The following HPSE2 variants were observed in gnomAD, a reference collection of about 807,000 sequenced individuals.
HPSE2 encodes heparanase 2 (inactive), also known as inactive heparanase-2.
Under a neutral mutation model 60.5 loss-of-function variants are expected in HPSE2, and 38 were observed. The observed-to-expected ratio is 0.63, with a 90% confidence interval of 0.48 to 0.82. HPSE2 has a LOEUF of 0.82. Ranked by LOEUF, HPSE2 falls within the 40% of genes least tolerant of loss-of-function variation. The pLI is 0.00. For missense variants in HPSE2, 713 were observed against 740.4 expected (o/e 0.96, Z 0.43); for synonymous variants, 295 against 293.2 (o/e 1.01, Z -0.06).
intron 3 of HPSE2, among the ~76,000 whole-genome samples, chr10:99,045,713 A>G (rs1418554429): frequency 2.6e-5 from 4 of 152,146 alleles, no homozygotes; most frequent in African/African-American, 7.2e-5. Context: ...ACAACTCTAT[A>G]CACACAAATT....
chr10:98,566,216 C>A (rs1377318592), intron 9 of HPSE2, among the ~76,000 whole-genome samples: 2 of 152,140 alleles, frequency 1.3e-5, no homozygotes, highest in Non-Finnish European at 1.5e-5. Context: ...AAAATTGAGG[C>A]TCAGGAAGGA....
chr10:98,765,717 C>A (rs946913717), intron 3 of HPSE2, among the ~76,000 whole-genome samples: 4 of 151,996 alleles, frequency 2.6e-5, no homozygotes, highest in Non-Finnish European at 5.9e-5. Flanking sequence ...GTGGCACGTG[C>A]CTGTAATCCC....
chr10:98,508,667 AG>A (rs1942282956), intron 9 of HPSE2, among the ~76,000 whole-genome samples: 1 of 152,218 alleles, frequency 6.6e-6, no homozygotes, highest in African/African-American at 2.4e-5. Flanking sequence ...TCTGAGGGCC[AG>A]GGAAGAAGTC....
chr10:98,832,770 G>GTATAT (rs1951712101), intron 3 of HPSE2, among the ~76,000 whole-genome samples: 1 of 152,174 alleles, frequency 6.6e-6, no homozygotes, highest in African/African-American at 2.4e-5. Context: ...TAAGAAATGT[G>GTATAT]TATATTAGGT....
chr10:99,242,145 C>G, the HPSE2 span, among the ~76,000 whole-genome samples: 1 of 152,192 alleles, frequency 6.6e-6, no homozygotes, highest in Non-Finnish European at 1.5e-5. Flanking sequence ...CCATCAAGGA[C>G]TGTCTCTGTC....
chr10:99,042,487 G>A (rs962201120), intron 3 of HPSE2, among the ~76,000 whole-genome samples: 3 of 151,988 alleles, frequency 2.0e-5, no homozygotes, highest in East Asian at 1.9e-4. Context: ...ATATAAGGGG[G>A]AACAAAAAGC....
chr10:99,283,636 A>G, the HPSE2 span, among the ~76,000 whole-genome samples: 265 of 152,260 alleles, frequency 1.7e-3, no homozygotes, highest in Admixed American at 4.8e-3. Flanking sequence ...AAGAGAGAAG[A>G]CCCAAATTAC....
intron 9 of HPSE2, among the ~76,000 whole-genome samples, chr10:98,533,642 C>G (rs1220453698): frequency 6.6e-6 from 1 of 152,144 alleles, no homozygotes; most frequent in African/African-American, 2.4e-5. Context: ...GCAATGGGGT[C>G]AGCTGAGGAA....
intron 2 of HPSE2, among the ~76,000 whole-genome samples, chr10:99,172,787 A>C (rs1186831585): frequency 6.6e-6 from 1 of 152,136 alleles, no homozygotes; most frequent in African/African-American, 2.4e-5. Context: ...CTGTGGCAGG[A>C]GCATCGCTTG....
chr10:98,836,711 T>A (rs1347491023), intron 3 of HPSE2, among the ~76,000 whole-genome samples: 1 of 152,182 alleles, frequency 6.6e-6, no homozygotes, highest in African/African-American at 2.4e-5. Flanking sequence ...ACTGATTAAA[T>A]TAGGCCTACC....
chr10:98,600,871 A>G (rs1565002668), intron 9 of HPSE2, among the ~76,000 whole-genome samples: 4 of 102,830 alleles, frequency 3.9e-5, no homozygotes. Flanking sequence ...ATATACGTAT[A>G]TATGTATATA....
intron 6 of HPSE2, among the ~76,000 whole-genome samples, chr10:98,642,172 T>C (rs1946655980): frequency 6.6e-6 from 1 of 152,190 alleles, no homozygotes. Context: ...TCAGCTTTTG[T>C]CACGTGAAAC....
Position 98,858,736 on chromosome 10 carries a change from G to C in HPSE2, c.611-114680C>G, listed in dbSNP as rs181693298. ...ATGTGGTTGTGGATAAGACCAACCAGCAGATGGGGCTGCTAGAAGAAATAG... is the reference window on the plus strand; with the variant it reads ...ATGTGGTTGTGGATAAGACCAACCACCAGATGGGGCTGCTAGAAGAAATAG... On this transcript the variant is annotated intron_variant, in intron 3 of 11. Transcript: ENST00000370552. Among the ~76,000 whole-genome samples the C allele has an allele frequency of 3.9e-3, 590 of 152,310 alleles. 2 individuals carry two copies. Among genetic ancestry groups the C allele is most frequent in the African/African-American group, 0.014 (566 of 41,574 alleles).
At chr10:98,691,294 C>T (rs1292793878) in intron 6 of HPSE2, among the ~76,000 whole-genome samples, 1 of 152,102 alleles carries the variant, frequency 6.6e-6, no homozygotes, top group Non-Finnish European at 1.5e-5. Flanking sequence ...ATACAACCCC[C>T]TGCTTGCTTT....
chr10:98,721,970 TAAAG>T, intron 4 of HPSE2, 142 bp from the exon 5 acceptor site: 2 of 758,408 alleles, frequency 2.6e-6, no homozygotes, highest in Non-Finnish European at 4.4e-6. Context: ...TATTTTAACT[TAAAG>T]AACCACCCAA....
At chr10:99,191,261 C>T (rs574357684) in intron 2 of HPSE2, among the ~76,000 whole-genome samples, 2 of 152,004 alleles carry the variant, frequency 1.3e-5, no homozygotes, top group Admixed American at 6.5e-5. Context: ...GACTGTAGAC[C>T]CCTTAGGTGG....
chr10:99,188,468 A>G (rs1247807389), intron 2 of HPSE2, among the ~76,000 whole-genome samples: 2 of 152,228 alleles, frequency 1.3e-5, no homozygotes, highest in African/African-American at 4.8e-5. Context: ...AGGAGAAGGA[A>G]CAGGAATTCT....
chr10:98,708,906 T>TTTAA (rs1359075552), intron 5 of HPSE2, among the ~76,000 whole-genome samples: 1 of 152,130 alleles, frequency 6.6e-6, no homozygotes, highest in Non-Finnish European at 1.5e-5. Flanking sequence ...AGAAAAATAA[T>TTTAA]TAGATACAAT....
At chr10:98,466,690 C>T (rs925270861) in intron 11 of HPSE2, among the ~76,000 whole-genome samples, 3 of 151,942 alleles carry the variant, frequency 2.0e-5, no homozygotes, top group Admixed American at 1.3e-4. Flanking sequence ...AGACTAGTTT[C>T]TCCATCTGTA....
Sources: allele counts gnomAD v4.1 joint callset (sites outside exome capture counted in the v4.1 genomes callset), GRCh38; gene constraint gnomAD v4.1.1; transcripts MANE v1.5; gene names NCBI Gene and HGNC (gene_info 2026-07-23, HGNC 2026-07-21).